CDH20: variants seen among roughly 807,000 people sequenced by gnomAD.
The protein encoded by CDH20 is cadherin 20, also known as cadherin-20.
In CDH20, 29 loss-of-function variants were observed where a neutral mutation model predicts 74.2. The observed-to-expected ratio is 0.39, with a 90% CI of 0.29 to 0.53. The LOEUF (loss-of-function observed/expected upper bound fraction) is 0.53. Ranked by LOEUF, CDH20 falls within the 20% of genes least tolerant of loss-of-function variation. CDH20 has a pLI of 0.69. For synonymous variants in CDH20, 469 were observed against 405.4 expected, an observed-to-expected ratio of 1.16 and a Z score of -1.88; for missense variants, 988 against 1,048.3, an observed-to-expected ratio of 0.94 and a Z score of 0.79.
chr18:61,510,512 T>A (rs1344229259), intron 6 of CDH20, among the ~76,000 whole-genome samples: 1 of 152,156 alleles, frequency 6.6e-6, no homozygotes, highest in Admixed American at 6.5e-5. Context: ...GTTTATAACT[T>A]TTTTCTATGC....
chr18:61,337,103 G>A (rs574212331), intron 1 of CDH20, among the ~76,000 whole-genome samples: 3 of 152,290 alleles, frequency 2.0e-5, no homozygotes, highest in African/African-American at 7.2e-5. Context: ...GCAGGGTGGC[G>A]AAAATAAGAG....
At chr18:61,492,424 T>G (rs1910991260) in intron 2 of CDH20, among the ~76,000 whole-genome samples, 1 of 152,150 alleles carries the variant, frequency 6.6e-6, no homozygotes, top group South Asian at 2.1e-4. Flanking sequence ...CATGGTCTTT[T>G]TAAAATTTAA....
chr18:61,499,833 G>A (rs1340869265), intron 3 of CDH20, among the ~76,000 whole-genome samples: 5 of 152,206 alleles, frequency 3.3e-5, no homozygotes, highest in South Asian at 2.1e-4. Context: ...GGTGGCTCAC[G>A]CCTGTAATCC....
intron 1 of CDH20, among the ~76,000 whole-genome samples, chr18:61,407,740 T>A (rs1465163688): frequency 6.6e-6 from 1 of 152,144 alleles, no homozygotes; most frequent in African/African-American, 2.4e-5. Context: ...GAACCTAAAT[T>A]GGGGAACATT....
chr18:61,502,080 G>A (rs1273799361), intron 4 of CDH20, among the ~76,000 whole-genome samples: 3 of 152,172 alleles, frequency 2.0e-5, no homozygotes, highest in Non-Finnish European at 4.4e-5. Flanking sequence ...CATGCAAAAG[G>A]TCTATCTAGC....
intron 1 of CDH20, among the ~76,000 whole-genome samples, chr18:61,453,019 C>T (rs138173922): frequency 1.6e-3 from 236 of 152,254 alleles, no homozygotes; most frequent in African/African-American, 4.8e-3. Flanking sequence ...CCCTTTACCC[C>T]GTGCACCCCA....
In CDH20 at chr18:61,554,249, G is replaced by T; in HGVS notation, c.1960G>T (p.Asp654Tyr). The change falls in exon 12 of 12, where the codon GAC becomes TAC. Residue 654 changes from aspartate (D) to tyrosine (Y), a missense_variant. Physicochemically the swap from Asp to Tyr is radical, Grantham distance 160. Around this residue, in one of 2 missense-constraint regions of CDH20, gnomAD observed 375 missense variants for 293.1 expected, o/e 1.28. Transcript: ENST00000262717. ...CCGGAAACAACCATACATCATCGAC[G>T]ACGAGGAAAACATCCACGAGAACAT... ...RHRKQPYIID[D>Y]EENIHENIVR... The T allele has an allele frequency of 6.2e-7, 1 of 1,613,996 alleles. No individual in the cohort carries two copies. The highest frequency in any genetic ancestry group is 1.3e-5 in the African/African-American group (1 of 75,042).
chr18:61,529,992 T>G (rs1912583987), intron 7 of CDH20, among the ~76,000 whole-genome samples: 1 of 152,152 alleles, frequency 6.6e-6, no homozygotes, highest in South Asian at 2.1e-4. Context: ...CAGGGTCCAC[T>G]GGGCTGTTCT....
At chr18:61,375,825 T>C (rs570516319) in intron 1 of CDH20, among the ~76,000 whole-genome samples, 48 of 152,278 alleles carry the variant, frequency 3.2e-4, no homozygotes, top group African/African-American at 1.2e-3. Context: ...ACCATTTCAC[T>C]ACTACTGTCT....
rs2144117023 is a variant in CDH20 at position 61,353,339 on chromosome 18, A to G, written c.-153+19512A>G. 6.6e-6 allele frequency among the ~76,000 whole-genome samples: 1 copy of G among 152,200 alleles called. No individual in the cohort carries two copies. Among genetic ancestry groups the G allele is most frequent in the South Asian group, 2.1e-4 (1 of 4,816 alleles). ...TTTTCTCATCTACATGCTGTTCTCA[A>G]TCTCTCTACATCTGACTACTCATCA... is the stretch of plus-strand genomic sequence containing the variant. On this transcript the variant is annotated intron_variant, in intron 1 of 11. Coordinates refer to ENST00000262717, the MANE Select transcript of CDH20 (RefSeq NM_031891.4). The surrounding 1 kb of genome is among the most constrained non-coding windows in gnomAD (Gnocchi z 4.6).
chr18:61,443,236 A>G (rs1909090155), intron 1 of CDH20, among the ~76,000 whole-genome samples: 1 of 152,062 alleles, frequency 6.6e-6, no homozygotes, highest in Non-Finnish European at 1.5e-5. Flanking sequence ...GCCAGCAAAC[A>G]GCATAAATGA....
chr18:61,523,444 T>C (rs568346851), intron 6 of CDH20, among the ~76,000 whole-genome samples: 2 of 152,250 alleles, frequency 1.3e-5, no homozygotes, highest in South Asian at 2.1e-4. Flanking sequence ...TGTGGAGAAA[T>C]AGGAATGCTT....
intron 1 of CDH20, among the ~76,000 whole-genome samples, chr18:61,349,840 T>G (rs1293587267): frequency 6.6e-6 from 1 of 151,608 alleles, no homozygotes; most frequent in Non-Finnish European, 1.5e-5. Context: ...GGTTGTCACA[T>G]GTAATTCGGC....
At chr18:61,359,845 T>A (rs973526353) in intron 1 of CDH20, among the ~76,000 whole-genome samples, 1 of 152,220 alleles carries the variant, frequency 6.6e-6, no homozygotes, top group African/African-American at 2.4e-5. Context: ...CAGCCTATAC[T>A]GTGTGGTAGG....
intron 1 of CDH20, among the ~76,000 whole-genome samples, chr18:61,336,819 G>GT (rs1022255089): frequency 2.7e-5 from 4 of 150,848 alleles, no homozygotes; most frequent in Non-Finnish European, 5.9e-5. Context: ...AGAATATATG[G>GT]GGGGGGGTGA....
chr18:61,422,806 A>T (rs796188094), intron 1 of CDH20, among the ~76,000 whole-genome samples: 2 of 151,568 alleles, frequency 1.3e-5, no homozygotes, highest in Admixed American at 1.3e-4. Context: ...CATTTTATAC[A>T]ATAGCTACCA....
intron 1 of CDH20, among the ~76,000 whole-genome samples, chr18:61,395,070 T>C (rs906266692): frequency 6.6e-6 from 1 of 152,098 alleles, no homozygotes; most frequent in Non-Finnish European, 1.5e-5. Flanking sequence ...TGTTCAAGAC[T>C]ACTTCTTCCT....
chr18:61,398,853 A>T (rs1315016190), intron 1 of CDH20, among the ~76,000 whole-genome samples: 1 of 152,170 alleles, frequency 6.6e-6, no homozygotes, highest in Non-Finnish European at 1.5e-5. Context: ...AGTTAGAAGG[A>T]TATATTTACT....
chr18:61,554,451 C>G lies in CDH20; in HGVS notation c.2162C>G (p.Thr721Ser), dbSNP rs757927060. The G allele has an allele frequency of 5.0e-6, 8 of 1,613,242 alleles. No individual in the cohort carries two copies. Among genetic ancestry groups the G allele is most frequent in the Non-Finnish European group, 6.8e-6 (8 of 1,179,940 alleles). ...CCTCAGACGTGCGCAGTGAACAGCACTGTCCACAGCTACGTGCTGGCCAAG... is the reference window on the plus strand; with the variant it reads ...CCTCAGACGTGCGCAGTGAACAGCAGTGTCCACAGCTACGTGCTGGCCAAG... Reference protein sequence around the residue: ...YVPQTCAVNSTVHSYVLAKLY... With the variant: ...YVPQTCAVNSSVHSYVLAKLY... Residue 721 changes from threonine (T) to serine (S), a missense_variant, in exon 12 of 12, where the codon ACT becomes AGT. This residue lies in a region of CDH20 where 375 missense variants were observed against 293.1 expected (regional missense o/e 1.28). Transcript: ENST00000262717.
Sources: gnomAD v4.1 joint callset for allele counts (sites outside exome capture counted in the v4.1 genomes callset) on GRCh38, gnomAD v4.1.1 for gene constraint, gnomAD v4.1.1 regional missense constraint, Gnocchi (gnomAD v3.1) non-coding constraint, MANE v1.5 for transcripts, NCBI Gene and HGNC (gene_info 2026-07-23, HGNC 2026-07-21) for gene names.